The following SLN variants were observed in gnomAD, a reference collection of about 807,000 sequenced individuals.
SLN encodes sarcolipin.
For missense variants in SLN, 34 were observed against 37.4 expected (o/e 0.91, Z 0.24); for synonymous variants, 19 against 14.4 (o/e 1.32, Z -0.72).
intron 1 of SLN, among the ~76,000 whole-genome samples, chr11:107,709,392 G>T (rs779549838): frequency 2.6e-5 from 4 of 152,150 alleles, no homozygotes; most frequent in Non-Finnish European, 4.4e-5. Context: ...AGGCTGAAAG[G>T]GTTGTTAGCA....
chr11:107,711,279 C>T (rs1477734888), intron 1 of SLN, among the ~76,000 whole-genome samples: 2 of 151,944 alleles, frequency 1.3e-5, no homozygotes, highest in Non-Finnish European at 2.9e-5. Context: ...GGCTACCCAT[C>T]ACACTTCTTT....
At chr11:107,711,810 A>G (rs1867213759) in intron 1 of SLN, among the ~76,000 whole-genome samples, 153 bp downstream of exon 1, 1 of 152,216 alleles carries the variant, frequency 6.6e-6, no homozygotes, top group African/African-American at 2.4e-5. Flanking sequence ...AGGAAAACAG[A>G]AAGCAATAGT....
At chr11:107,711,695 G>A (rs60597974) in intron 1 of SLN, among the ~76,000 whole-genome samples, 3 of 151,666 alleles carry the variant, frequency 2.0e-5, no homozygotes, top group African/African-American at 7.3e-5. Flanking sequence ...TTTGAATGGA[G>A]ACTTAGAGAA....
At chr11:107,708,839 A>G (rs1215011054) in intron 1 of SLN, among the ~76,000 whole-genome samples, 2 of 152,210 alleles carry the variant, frequency 1.3e-5, no homozygotes, top group Non-Finnish European at 2.9e-5. Context: ...AATTACATAG[A>G]TAAGTGGGAT....
chr11:107,707,574 T>TTG lies in SLN; in HGVS notation c.*259_*260dup. 1 of 398,866 alleles carries TTG rather than the reference T, an allele frequency of 2.5e-6. No homozygotes were observed. The highest frequency in any genetic ancestry group is 4.7e-5 in the South Asian group (1 of 21,360). 24.7% of individuals were successfully genotyped at this position (398,866 alleles called of 1,614,324 possible). A position where few individuals can be genotyped will look rare whatever the true frequency, so the allele number is the denominator to read the frequency against. ...TCCAGTTTAATTTTAACTTTGTGGCTTGTCTAACACATTTTCAGTTAAGAG... is the reference window on the plus strand; with the variant it reads ...TCCAGTTTAATTTTAACTTTGTGGCTTGTGTCTAACACATTTTCAGTTAAGAG... On this transcript the variant is annotated 3_prime_UTR_variant, in exon 2 of 2. Transcript: ENST00000305991.
At chr11:107,711,276 C>T (rs1187366821) in intron 1 of SLN, among the ~76,000 whole-genome samples, 1 of 151,992 alleles carries the variant, frequency 6.6e-6, no homozygotes, top group Non-Finnish European at 1.5e-5. Flanking sequence ...GCAGGCTACC[C>T]ATCACACTTC....
At chr11:107,710,089 G>A (rs575255313) in intron 1 of SLN, among the ~76,000 whole-genome samples, 3 of 152,336 alleles carry the variant, frequency 2.0e-5, no homozygotes, top group South Asian at 2.1e-4. Flanking sequence ...AGAACAGAAC[G>A]GTAATGAGTC....
intron 1 of SLN, among the ~76,000 whole-genome samples, chr11:107,708,588 C>CAG (rs1455818672): frequency 2.0e-5 from 3 of 152,250 alleles, no homozygotes; most frequent in South Asian, 2.1e-4. Context: ...CTAATGATTA[C>CAG]AGAGAGAGAG....
chr11:107,708,732 G>A (rs982836020), intron 1 of SLN, among the ~76,000 whole-genome samples: 6 of 152,228 alleles, frequency 3.9e-5, no homozygotes, highest in African/African-American at 1.2e-4. Context: ...GTGTGTTTGC[G>A]TGTGTGCGTA....
intron 1 of SLN, 42 bp from the exon 2 acceptor site, chr11:107,708,047 C>T: frequency 1.4e-6 from 1 of 737,152 alleles, no homozygotes; most frequent in Non-Finnish European, 2.5e-6. Flanking sequence ...GATTAATGGG[C>T]ATTCCTGTAT....
rs2135741603 is a variant in SLN at position 107,707,509 on chromosome 11, G to A, written c.*326C>T. Reference sequence around the variant, plus strand: ...TGTGGGTTGAAGGGATGTGTGGTGAGACAGATCAGGGGCTTGTAACAATCC... The same window carrying A: ...TGTGGGTTGAAGGGATGTGTGGTGAAACAGATCAGGGGCTTGTAACAATCC... On this transcript the variant is annotated 3_prime_UTR_variant, in exon 2 of 2. Transcript: ENST00000305991. The A allele has an allele frequency of 4.3e-6, 1 of 229,976 alleles. No homozygotes were observed. The highest frequency in any genetic ancestry group is 9.9e-5 in the East Asian group (1 of 10,144). The allele number at this position is 229,976 out of a possible 1,614,324, so 14.2% of individuals were successfully genotyped here. A position where few individuals can be genotyped will look rare whatever the true frequency, so the allele number is the denominator to read the frequency against.
chr11:107,711,174 G>A (rs1867206427), intron 1 of SLN, among the ~76,000 whole-genome samples: 1 of 152,110 alleles, frequency 6.6e-6, no homozygotes, highest in Admixed American at 6.6e-5. Flanking sequence ...TGACCTGGAT[G>A]ATAATTATAG....
rs770387210 is a variant in SLN at position 107,707,900 on chromosome 11, T to G, written c.31A>C (p.Asn11His). 1.2e-6 allele frequency: 2 copies of G among 1,613,962 alleles called. No homozygotes were observed. The highest frequency in any genetic ancestry group is 1.7e-6 in the Non-Finnish European group (2 of 1,179,938). MGINTRELFL[N>H]FTIVLITVIL... ...ACCGTAATCAAGACAATAGTGAAGT[T>G]GAGAAACAGCTCCCGGGTGTTTATC... Residue 11 changes from asparagine (N) to histidine (H), a missense_variant, in exon 2 of 2, where the codon AAC becomes CAC. Physicochemically the swap from Asn to His is moderately conservative, Grantham distance 68. Coordinates refer to ENST00000305991, the MANE Select transcript of SLN (RefSeq NM_003063.3).
At chr11:107,710,509 A>ATG (rs34138681) in intron 1 of SLN, among the ~76,000 whole-genome samples, 35,493 of 152,108 alleles carry the variant, frequency 0.23, 4,300 homozygotes, top group African/African-American at 0.3. Context: ...GGAGATTAAG[A>ATG]TGTTTGTGTA....
chr11:107,711,029 A>G (rs957033390), intron 1 of SLN, among the ~76,000 whole-genome samples: 1 of 152,162 alleles, frequency 6.6e-6, no homozygotes, highest in Non-Finnish European at 1.5e-5. Context: ...AGGGAGGTTA[A>G]TCATATTGTT....
intron 1 of SLN, among the ~76,000 whole-genome samples, chr11:107,709,140 T>A (rs1438730223): frequency 2.0e-5 from 3 of 152,250 alleles, no homozygotes; most frequent in Non-Finnish European, 4.4e-5. Context: ...TCATAGTATG[T>A]ACAGATTGTC....
chr11:107,707,986 C>T lies in SLN; in HGVS notation c.-56G>A, dbSNP rs968171368. 1 of 1,223,810 alleles carries T rather than the reference C, an allele frequency of 8.2e-7. No homozygotes were observed. The highest frequency in any genetic ancestry group is 1.2e-6 in the Non-Finnish European group (1 of 823,448). The allele number at this position is 1,223,810 out of a possible 1,614,324, so 75.8% of individuals were successfully genotyped here. A position where few individuals can be genotyped will look rare whatever the true frequency, so the allele number is the denominator to read the frequency against. ...AGATTTCTGAGGGCACACCAAGGAC[C>T]TCTGGCTTCTCCTCACCTCCTGATA... On this transcript the variant is annotated 5_prime_UTR_variant, in exon 2 of 2. Transcript: ENST00000305991.
Position 107,707,705 on chromosome 11 carries a change from G to A in SLN, c.*130C>T. 1.5e-6 allele frequency: 1 copy of A among 676,722 alleles called. No individual in the cohort carries two copies. Among genetic ancestry groups the A allele is most frequent in the Non-Finnish European group, 2.7e-6 (1 of 374,052 alleles). The allele number at this position is 676,722 out of a possible 1,614,324, so 41.9% of individuals were successfully genotyped here. A position where few individuals can be genotyped will look rare whatever the true frequency, so the allele number is the denominator to read the frequency against. Reference sequence around the variant, plus strand: ...CTAGCACTACAGCATAGCAGATATTGTGAGTGCAGGTCACAGGTGCCCTCG... The same window carrying A: ...CTAGCACTACAGCATAGCAGATATTATGAGTGCAGGTCACAGGTGCCCTCG... On this transcript the variant is annotated 3_prime_UTR_variant, in exon 2 of 2. Transcript: ENST00000305991.
rs757010127 is a variant in SLN, at chr11:107,707,842, T to G, written c.89A>C (p.Gln30Pro). Residue 30 changes from glutamine (Q) to proline (P), a missense_variant, in exon 2 of 2, where the codon CAG becomes CCG. Gln to Pro is a moderately conservative substitution (Grantham distance 76). Coordinates refer to ENST00000305991, the MANE Select transcript of SLN (RefSeq NM_003063.3). ...ILMWLLVRSY[Q>P]Y The stretch of plus-strand genomic sequence containing the variant: ...GGACCATGGCATGGCCTCTCAGTAC[T>G]GATAGGACCTCACAAGGAGCCACAT... 5.0e-6 allele frequency: 8 copies of G among 1,612,784 alleles called. No homozygotes were observed. In the East Asian group the frequency reaches 1.6e-4, roughly 31 times the overall value.
Sources: gnomAD v4.1 joint callset for allele counts (sites outside exome capture counted in the v4.1 genomes callset) on GRCh38, gnomAD v4.1.1 for gene constraint, MANE v1.5 for transcripts, NCBI Gene and HGNC (gene_info 2026-07-23, HGNC 2026-07-21) for gene names.